ZNF618: variants seen among roughly 807,000 people sequenced by gnomAD.
ZNF618 encodes the protein neural precursor cell expressed, developmentally down-regulated 10.
ZNF618 carries 34 observed loss-of-function variants against 103.0 expected under a neutral mutation model. The observed-to-expected ratio is 0.33, with a 90% CI of 0.25 to 0.44. The LOEUF is 0.44. ZNF618 is among the 20% of genes least tolerant of loss of function. The probability of loss-of-function intolerance (pLI) is 1.00; values close to 1 mark genes in which losing one functional copy is unlikely to be tolerated. For missense variants in ZNF618, 1,059 were observed against 1,295.4 expected (o/e 0.82, Z 2.80); for synonymous variants, 551 against 542.2 (o/e 1.02, Z -0.23).
At chr9:113,914,588 T>G (rs1831892852) in intron 1 of ZNF618, among the ~76,000 whole-genome samples, 1 of 152,212 alleles carries the variant, frequency 6.6e-6, no homozygotes, top group Non-Finnish European at 1.5e-5. Context: ...GTAAAGAAGA[T>G]CTTCAGGGGA....
At chr9:113,933,320 A>G (rs892854242) in intron 1 of ZNF618, among the ~76,000 whole-genome samples, 1 of 152,242 alleles carries the variant, frequency 6.6e-6, no homozygotes, top group Non-Finnish European at 1.5e-5. Context: ...GTCTGTTGCT[A>G]TGCTGTGGAA....
At chr9:114,016,590 A>G in intron 9 of ZNF618, 105 bp from the exon 10 acceptor site, 3 of 770,104 alleles carry the variant, frequency 3.9e-6, no homozygotes, top group Non-Finnish European at 6.6e-6. Flanking sequence ...ATTCTAGTTG[A>G]TGGTCCCAGA....
Position 113,968,546 on chromosome 9 carries a change from C to T in ZNF618, c.34-571C>T, listed in dbSNP as rs1837647195. On this transcript the variant is annotated intron_variant, in intron 1 of 14. Coordinates refer to ENST00000374126, the MANE Select transcript of ZNF618 (RefSeq NM_001318042.2). ...TTTTCATGAGACTTCAGGTAGCTCC[C>T]TCTGTGCCCAAGGCCCCAGTCTCTG... Among the ~76,000 whole-genome samples, 3 of 152,156 alleles carry T rather than the reference C, an allele frequency of 2.0e-5. No homozygotes were observed. The South Asian group carries it at 6.2e-4, about 32-fold the overall frequency.
intron 13 of ZNF618, among the ~76,000 whole-genome samples, chr9:114,044,535 G>T (rs1845494510): frequency 6.6e-6 from 1 of 151,934 alleles, no homozygotes; most frequent in African/African-American, 2.4e-5. Flanking sequence ...CTCTTTTTTG[G>T]TACCATATAA....
intron 10 of ZNF618, 106 bp downstream of exon 10, chr9:114,016,890 G>A (rs758047728): frequency 8.6e-5 from 71 of 826,212 alleles, no homozygotes; most frequent in Non-Finnish European, 1.3e-4. Context: ...TGAAAGCAAG[G>A]TGAGCTCAGT....
intron 4 of ZNF618, 33 bp from the exon 5 acceptor site, chr9:114,001,963 G>A (rs754231242): frequency 2.5e-6 from 4 of 1,583,848 alleles, no homozygotes; most frequent in Non-Finnish European, 1.7e-6. Flanking sequence ...CACAGAGGTT[G>A]GGTGACCAGT....
chr9:114,002,454 G>A (rs900258566), intron 5 of ZNF618, among the ~76,000 whole-genome samples, 170 bp from the exon 6 acceptor site: 5 of 152,186 alleles, frequency 3.3e-5, no homozygotes, highest in East Asian at 1.9e-4. Context: ...GAGGGATGGC[G>A]TCTGTTCCTC....
intron 1 of ZNF618, among the ~76,000 whole-genome samples, chr9:113,881,936 A>C (rs1828567527): frequency 6.6e-6 from 1 of 152,246 alleles, no homozygotes; most frequent in Non-Finnish European, 1.5e-5. Context: ...GATGTGTTGC[A>C]GCCTGTGAGC....
chr9:114,030,645 C>T (rs1444450435), intron 11 of ZNF618, among the ~76,000 whole-genome samples: 2 of 152,086 alleles, frequency 1.3e-5, no homozygotes, highest in Non-Finnish European at 2.9e-5. Flanking sequence ...CAGAGGGCAT[C>T]CGGTTGGGAG....
chr9:113,962,929 T>C (rs1836999062), intron 1 of ZNF618, among the ~76,000 whole-genome samples: 1 of 152,232 alleles, frequency 6.6e-6, no homozygotes, highest in African/African-American at 2.4e-5. Context: ...GGTATAGATA[T>C]ATCCCAACTG....
rs368206229 is a variant in ZNF618, at chr9:114,008,497, G to C, written c.697G>C (p.Val233Leu). 2 of 1,613,844 alleles carry C rather than the reference G, an allele frequency of 1.2e-6. No homozygotes were observed. Among genetic ancestry groups the C allele is most frequent in the Non-Finnish European group, 1.7e-6 (2 of 1,179,872 alleles). ...NRADPFDQGV[V>L]ATDEVKEEPP... ...CACAGACCCCTTCGACCAAGGTGTC[G>C]TGGCCACGGACGAGGTGAAGGAGGA... The change falls in exon 9 of 15, where the codon GTG becomes CTG. Residue 233 changes from valine to leucine, a missense_variant. Around this residue, in one of 6 missense-constraint regions of ZNF618, gnomAD observed 434 missense variants for 476.0 expected, o/e 0.91. Transcript: ENST00000374126.
Position 114,052,220 on chromosome 9 carries a change from A to C in ZNF618, c.*2053A>C, listed in dbSNP as rs980950544. On this transcript the variant is annotated 3_prime_UTR_variant, in exon 15 of 15. Coordinates refer to ENST00000374126, the MANE Select transcript of ZNF618 (RefSeq NM_001318042.2). ...CATAGTGTTTGGGGGCCAAGCCTGC[A>C]CACTTTGCCTCATGAGAACTCACCC... is the stretch of plus-strand genomic sequence containing the variant. 1 of 152,658 alleles carries C rather than the reference A, an allele frequency of 6.6e-6. No homozygotes were observed. The highest frequency in any genetic ancestry group is 1.5e-5 in the Non-Finnish European group (1 of 68,062). The allele number at this position is 152,658 out of a possible 1,614,324, so 9.5% of individuals were successfully genotyped here.
intron 3 of ZNF618, among the ~76,000 whole-genome samples, chr9:113,990,414 A>G (rs1839929174): frequency 6.6e-6 from 1 of 152,178 alleles, no homozygotes; most frequent in Non-Finnish European, 1.5e-5. Flanking sequence ...TGGGAGTGGT[A>G]ATGTTGACAC....
intron 1 of ZNF618, among the ~76,000 whole-genome samples, chr9:113,876,716 A>G (rs1006522448): frequency 7.2e-5 from 11 of 151,946 alleles, no homozygotes; most frequent in Non-Finnish European, 1.0e-4. Context: ...CAGCCATTTC[A>G]GTTTGGACAA....
chr9:113,995,649 T>A (rs966585856), intron 3 of ZNF618, among the ~76,000 whole-genome samples: 1 of 152,204 alleles, frequency 6.6e-6, no homozygotes, highest in Non-Finnish European at 1.5e-5. Context: ...CAGGGGTCTA[T>A]CATCAGATGA....
chr9:113,973,938 A>G (rs1838244248), intron 2 of ZNF618, among the ~76,000 whole-genome samples: 1 of 152,172 alleles, frequency 6.6e-6, no homozygotes, highest in Admixed American at 6.5e-5. Flanking sequence ...TCTTGTAGAC[A>G]AGGAGATTGG....
chr9:113,892,710 AT>A (rs1318734525), intron 1 of ZNF618, among the ~76,000 whole-genome samples: 2 of 152,080 alleles, frequency 1.3e-5, no homozygotes, highest in Non-Finnish European at 1.5e-5. Context: ...CATTTCTTCT[AT>A]TTTTTTATAT....
chr9:113,904,442 TTTTTGATTCTGAA>T (rs974639837), intron 1 of ZNF618, among the ~76,000 whole-genome samples: 10 of 152,332 alleles, frequency 6.6e-5, no homozygotes, highest in East Asian at 5.8e-4. Flanking sequence ...TGCCTAGCAA[TTTTTGATTCTGAA>T]TTTTGATTCT....
In ZNF618 at chr9:114,028,934, C is replaced by T. The variant is rs1376279728; in HGVS notation, c.1046C>T (p.Thr349Ile). Residue 349 changes from threonine (T) to isoleucine (I), a missense_variant, in exon 11 of 15, where the codon ACT becomes ATT. Transcript: ENST00000374126. ...GCCACCCAAACCCAGACGTTCCGCA[C>T]TCCAAATTCGGGATCTCCGGCGAGC... ...PPATQTQTFR[T>I]PNSGSPASKA... The T allele has an allele frequency of 3.9e-6, 6 of 1,550,678 alleles. No homozygotes were observed. The highest frequency in any genetic ancestry group is 8.7e-7 in the Non-Finnish European group (1 of 1,147,024).
Sources: allele counts gnomAD v4.1 joint callset (sites outside exome capture counted in the v4.1 genomes callset), GRCh38; gene constraint gnomAD v4.1.1; regional missense constraint gnomAD v4.1.1; transcripts MANE v1.5; gene names NCBI Gene and HGNC (gene_info 2026-07-23, HGNC 2026-07-21).